The following PLCD4 variants were observed in gnomAD, a reference collection of about 807,000 sequenced individuals.
The protein encoded by PLCD4 is phospholipase C delta 4.
A neutral mutation model predicts 90.2 loss-of-function variants in PLCD4; 63 were observed. The ratio of observed to expected loss-of-function variants is 0.70; its 90% CI spans 0.57 to 0.86. The LOEUF is 0.86. Ranked by LOEUF, PLCD4 falls within the 40% of genes least tolerant of loss-of-function variation. The probability of loss-of-function intolerance (pLI) is 0.00; values close to 1 mark genes in which losing one functional copy is unlikely to be tolerated. For missense variants in PLCD4, 830 were observed against 956.3 expected (o/e 0.87, Z 1.74); for synonymous variants, 294 against 356.5 (o/e 0.82, Z 1.97).
intron 10 of PLCD4, chr2:218,633,232 G>A: frequency 6.7e-6 from 4 of 599,584 alleles, no homozygotes; most frequent in South Asian, 6.3e-5. Context: ...TGTTTTAAAT[G>A]AGAGGGAGGG....
Position 218,627,605 on chromosome 2 carries a change from C to T in PLCD4, c.773-424C>T, listed in dbSNP as rs576772553. ...TGGGCTCACTGCAAGCTCTGCCTCC[C>T]GGGTTCACGCCATTCTCCTGCCTCA... On this transcript the variant is annotated intron_variant, in intron 6 of 15. Coordinates refer to ENST00000450993, the MANE Select transcript of PLCD4 (RefSeq NM_032726.4). 3.9e-5 allele frequency among the ~76,000 whole-genome samples: 6 copies of T among 152,020 alleles called. No individual in the cohort carries two copies. The South Asian group carries it at 6.2e-4, about 16-fold the overall frequency.
At position 218,633,776 on chromosome 2, in the gene PLCD4, G is replaced by T; in HGVS notation, c.1606+15G>T. The T allele has an allele frequency of 6.2e-7, 1 of 1,613,082 alleles. No homozygotes were observed. On this transcript the variant is annotated intron_variant, in intron 11 of 15. Transcript: ENST00000450993. ...CAAGGAGGCTGGTCAGGACCAAAAT[G>T]GAGGGATGGGGAGGGAAGTGGGATG... is the stretch of plus-strand genomic sequence containing the variant.
In PLCD4 at chr2:218,629,590, A is replaced by G. The variant is rs755088528; in HGVS notation, c.1046A>G (p.Tyr349Cys). 1.2e-6 allele frequency: 2 copies of G among 1,613,660 alleles called. No individual in the cohort carries two copies. Among genetic ancestry groups the G allele is most frequent in the Non-Finnish European group, 1.7e-6 (2 of 1,179,790 alleles). ...WDGPSGEPVV[Y>C]HGHTLTSRIL... ...GGACCTAGCGGGGAACCTGTCGTTT[A>G]CCACGGACACACCCTGACCTCCCGC... Residue 349 changes from tyrosine (Y) to cysteine (C), a missense_variant, in exon 8 of 16, where the codon TAC (tyrosine) becomes TGC (cysteine). By Grantham distance (194) the Tyr-to-Cys change is radical (BLOSUM62 -2). Coordinates refer to ENST00000450993, the MANE Select transcript of PLCD4 (RefSeq NM_032726.4).
chr2:218,613,392 CAA>C (rs36096465), intron 1 of PLCD4, among the ~76,000 whole-genome samples: 36,805 of 76,110 alleles, frequency 0.48, 6,083 homozygotes, highest in East Asian at 0.68. Flanking sequence ...AGTCTGTCTC[CAA>C]AAAAAAAAAA....
At chr2:218,635,657 T>G in intron 13 of PLCD4, 139 bp from the exon 14 acceptor site, 1 of 1,247,414 alleles carries the variant, frequency 8.0e-7, no homozygotes, top group African/African-American at 1.5e-5. Flanking sequence ...AAATTGCAGA[T>G]AGAATACTAG....
intron 3 of PLCD4, among the ~76,000 whole-genome samples, chr2:218,618,358 C>T (rs1314986267): frequency 6.6e-6 from 1 of 152,160 alleles, no homozygotes; most frequent in Non-Finnish European, 1.5e-5. Context: ...CAGTACAGGC[C>T]CTTTGCCATG....
rs544086635 is a variant in PLCD4, at chr2:218,635,879, T to C, written c.1980T>C (p.Phe660=). The part of the protein sequence containing the change: ...IVDPLVKVQI[F]GVRLDTARQE... ...ATCCACTGGTGAAAGTGCAGATCTTTGGCGTTCGTCTAGACACAGCACGGC... is the reference window on the plus strand; with the variant it reads ...ATCCACTGGTGAAAGTGCAGATCTTCGGCGTTCGTCTAGACACAGCACGGC... The change falls in exon 14 of 16, where the codon TTT becomes TTC. Residue 660 remains phenylalanine, a synonymous_variant. Coordinates refer to ENST00000450993, the MANE Select transcript of PLCD4 (RefSeq NM_032726.4). 6.2e-7 allele frequency: 1 copy of C among 1,613,988 alleles called. No homozygotes were observed. The highest frequency in any genetic ancestry group is 1.7e-5 in the Admixed American group (1 of 60,020).
At chr2:218,616,927 T>TATAG (rs1553571947) in intron 3 of PLCD4, among the ~76,000 whole-genome samples, 5 of 13,762 alleles carry the variant, frequency 3.6e-4, no homozygotes, top group African/African-American at 1.2e-3. Flanking sequence ...TATATATATA[T>TATAG]AGAGAGAGAG....
rs763840714 is a variant in PLCD4 at position 218,636,250 on chromosome 2, T to C, written c.2040T>C (p.Asn680=). 3.1e-6 allele frequency: 5 copies of C among 1,613,996 alleles called. No homozygotes were observed. In the East Asian group the frequency reaches 8.9e-5, roughly 29 times the overall value. The part of the protein sequence containing the change: ...ETNYVENNGF[N]PYWGQTLCFR... ...TTCTGTCCACCAACTCAGGTTTTAATCCATACTGGGGGCAGACACTATGTT... is the reference window on the plus strand; with the variant it reads ...TTCTGTCCACCAACTCAGGTTTTAACCCATACTGGGGGCAGACACTATGTT... The change falls in exon 15 of 16, where the codon AAT becomes AAC. Residue 680 remains asparagine (N), a synonymous_variant. Transcript: ENST00000450993.
rs1271442224 is a variant in PLCD4 at position 218,630,772 on chromosome 2, G to T, written c.1242G>T (p.Gly414=). The T allele has an allele frequency of 6.2e-7, 1 of 1,613,766 alleles. No individual in the cohort carries two copies. The highest frequency in any genetic ancestry group is 8.5e-7 in the Non-Finnish European group (1 of 1,179,798). Residue 414 remains glycine, a synonymous_variant, in exon 9 of 16, where the codon GGG becomes GGT. Coordinates refer to ENST00000450993, the MANE Select transcript of PLCD4 (RefSeq NM_032726.4). ...GEQLLSTTLD[G]VLPTQLPSPE... ...AGCTGCTGAGCACCACCTTGGATGG[G>T]GTGCTGCCCACTCAGCTGCCCTCGC...
At chr2:218,619,287 A>G (rs372124353) in intron 4 of PLCD4, among the ~76,000 whole-genome samples, 1 of 119,272 alleles carries the variant, frequency 8.4e-6, no homozygotes, top group South Asian at 3.0e-4. Context: ...ATATATATAT[A>G]TATGTTTTGT....
chr2:218,611,286 T>C (rs1470040039), intron 1 of PLCD4, among the ~76,000 whole-genome samples: 1 of 152,064 alleles, frequency 6.6e-6, no homozygotes, highest in Non-Finnish European at 1.5e-5. Flanking sequence ...TTAGAAGAAT[T>C]GGACAAAGGA....
intron 2 of PLCD4, 69 bp downstream of exon 2, chr2:218,615,830 C>G: frequency 6.2e-7 from 1 of 1,603,034 alleles, no homozygotes; most frequent in Non-Finnish European, 8.5e-7. Flanking sequence ...GGAGGTTGGA[C>G]CCCTGTTCCA....
chr2:218,618,531 T>C (rs1446147990), intron 3 of PLCD4, 48 bp from the exon 4 acceptor site: 3 of 1,531,390 alleles, frequency 2.0e-6, no homozygotes, highest in Admixed American at 1.7e-5. Context: ...CCCCTGCTAT[T>C]TGTTGGAATC....
At chr2:218,628,450 C>CGTT (rs1696212893) in intron 7 of PLCD4, 1 of 506,306 alleles carries the variant, frequency 2.0e-6, no homozygotes, top group Non-Finnish European at 3.5e-6. Context: ...AGCTATGAAA[C>CGTT]TCTCCTGGAA....
chr2:218,634,697 C>A lies in PLCD4; in HGVS notation c.1896+67C>A, dbSNP rs936601915. 1.9e-6 allele frequency: 3 copies of A among 1,546,810 alleles called. No individual in the cohort carries two copies. In the African/African-American group the frequency reaches 4.1e-5, roughly 21 times the overall value. On this transcript the variant is annotated intron_variant, in intron 13 of 15. Coordinates refer to ENST00000450993, the MANE Select transcript of PLCD4 (RefSeq NM_032726.4). This position sits in a 1 kb window ranked among gnomAD's most constrained non-coding sequence, Gnocchi z 4.0. ...GGGATAGAAGTGAGGGAAGAGGTGG[C>A]TAGGCCTGACCGGAATGTAGAGGCC...
At chr2:218,636,058 C>A in intron 14 of PLCD4, 127 bp downstream of exon 14, 3 of 1,469,992 alleles carry the variant, frequency 2.0e-6, no homozygotes, top group East Asian at 2.3e-5. Flanking sequence ...TGGAACAGTA[C>A]AAAGAATCCT....
intron 10 of PLCD4, chr2:218,633,210 T>A (rs923259826): frequency 4.2e-5 from 25 of 592,382 alleles, no homozygotes; most frequent in Middle Eastern, 8.9e-4. Flanking sequence ...TGACCAAAGG[T>A]TATTGTTCCT....
chr2:218,618,631 G>A lies in PLCD4; in HGVS notation c.234G>A (p.Leu78=), dbSNP rs1695732354. The change falls in exon 4 of 16, where the codon CTG becomes CTA. Residue 78 remains leucine, a synonymous_variant. Coordinates refer to ENST00000450993, the MANE Select transcript of PLCD4 (RefSeq NM_032726.4). Reference sequence around the variant, plus strand: ...GTAATGGCCATGATTCCGAGTTGCTGCGTAGCCTGGCAGAGGAGCTCCCCC... The same window carrying A: ...GTAATGGCCATGATTCCGAGTTGCTACGTAGCCTGGCAGAGGAGCTCCCCC... ...TIRNGHDSEL[L]RSLAEELPLE... The A allele has an allele frequency of 1.2e-6, 2 of 1,614,082 alleles. No individual in the cohort carries two copies. Among genetic ancestry groups the A allele is most frequent in the Non-Finnish European group, 1.7e-6 (2 of 1,179,904 alleles).
Sources: allele counts gnomAD v4.1 joint callset (sites outside exome capture counted in the v4.1 genomes callset), GRCh38; gene constraint gnomAD v4.1.1; non-coding constraint Gnocchi (gnomAD v3.1); transcripts MANE v1.5; gene names NCBI Gene and HGNC (gene_info 2026-07-23, HGNC 2026-07-21).